Variants in ADGRB3 observed in about 807,000 individuals in gnomAD.
ADGRB3 encodes brain-specific angiogenesis inhibitor 3.
ADGRB3 carries 37 observed loss-of-function variants against 193.4 expected under a neutral mutation model. That is an observed-to-expected ratio of 0.19 (90% CI 0.15 to 0.25). The LOEUF (loss-of-function observed/expected upper bound fraction) is 0.25, where lower values mean the gene tolerates loss of function less well. Among genes scored for constraint, ADGRB3 ranks in the 10% least tolerant of loss-of-function variants. The pLI, the probability that ADGRB3 is intolerant of heterozygous loss-of-function variation, is 1.00. For missense variants in ADGRB3, 1,637 were observed against 1,852.9 expected (o/e 0.88, Z 2.14); for synonymous variants, 690 against 644.2 (o/e 1.07, Z -1.08).
intron 28 of ADGRB3, among the ~76,000 whole-genome samples, chr6:69,357,394 T>C (rs1043957346): frequency 2.6e-5 from 4 of 152,062 alleles, no homozygotes; most frequent in African/African-American, 9.7e-5. Flanking sequence ...CTATTTGCTA[T>C]TATTTTACCA....
intron 3 of ADGRB3, among the ~76,000 whole-genome samples, chr6:68,833,271 A>AT (rs1423214283): frequency 1.3e-5 from 2 of 151,980 alleles, no homozygotes; most frequent in Non-Finnish European, 1.5e-5. Context: ...TAGAACAAGC[A>AT]TTTTTTATTA....
At position 69,304,585 on chromosome 6, in the gene ADGRB3, A is replaced by C. The variant is rs1039305819; in HGVS notation, c.2815-20287A>C. ...TAAGTCATCCTTTTGCTTCTTTGAC[A>C]GTTATATTTTGTCAGTCTCTGTATG... On this transcript the variant is annotated intron_variant, in intron 20 of 31. Coordinates refer to ENST00000370598, the MANE Select transcript of ADGRB3 (RefSeq NM_001704.3). 4.6e-5 allele frequency among the ~76,000 whole-genome samples: 7 copies of C among 151,558 alleles called. No homozygotes were observed. The South Asian group carries it at 6.2e-4, about 13-fold the overall frequency.
chr6:68,929,907 T>C (rs1474514584), intron 3 of ADGRB3, among the ~76,000 whole-genome samples: 2 of 151,950 alleles, frequency 1.3e-5, no homozygotes, highest in East Asian at 3.9e-4. Flanking sequence ...AACAATAAAT[T>C]TTATAAATAT....
chr6:69,207,279 T>G (rs942767914), intron 17 of ADGRB3, among the ~76,000 whole-genome samples: 6 of 151,936 alleles, frequency 3.9e-5, no homozygotes, highest in Admixed American at 3.3e-4. Flanking sequence ...AGATGGTGAG[T>G]GGTGCCACTT....
chr6:68,841,667 A>G (rs1226869555), intron 3 of ADGRB3, among the ~76,000 whole-genome samples: 1 of 152,172 alleles, frequency 6.6e-6, no homozygotes, highest in East Asian at 1.9e-4. Flanking sequence ...GAAAAACTTC[A>G]AATAAACAAC....
At chr6:68,945,534 A>ATT (rs1453838819) in intron 6 of ADGRB3, among the ~76,000 whole-genome samples, 3 of 152,158 alleles carry the variant, frequency 2.0e-5, no homozygotes, top group Non-Finnish European at 4.4e-5. Context: ...GAGCTGTAAC[A>ATT]TTTACATAGA....
intron 17 of ADGRB3, among the ~76,000 whole-genome samples, chr6:69,178,123 A>G (rs985987448): frequency 3.3e-5 from 5 of 152,174 alleles, no homozygotes; most frequent in Admixed American, 3.3e-4. Context: ...CCAATGTGGT[A>G]TGCATATATA....
intron 3 of ADGRB3, among the ~76,000 whole-genome samples, chr6:68,889,515 T>A (rs890160691): frequency 6.6e-6 from 1 of 151,956 alleles, no homozygotes; most frequent in Non-Finnish European, 1.5e-5. Context: ...TTATTTTTTT[T>A]TTTTTGAGAC....
At position 69,361,158 on chromosome 6, in the gene ADGRB3, CA is replaced by C. The variant is rs1561999075; in HGVS notation, c.3886del (p.Ile1296Ter). Reference sequence around the variant, plus strand: ...ATAATTTGAGAGGGGCTGACATGGACATAGTCCATCCTCAAGAAAGAATGAT... The same window carrying C: ...ATAATTTGAGAGGGGCTGACATGGACTAGTCCATCCTCAAGAAAGAATGAT... ...DDNLRGADMDIVHPQERMMES... is the reference protein window; with the variant it reads ...DDNLRGADMDXVHPQERMMES... On this transcript the variant is annotated frameshift_variant, in exon 29 of 32. Transcript: ENST00000370598. LOFTEE classifies it high-confidence loss of function. The C allele has an allele frequency of 6.2e-7, 1 of 1,612,790 alleles. No individual in the cohort carries two copies. The highest frequency in any genetic ancestry group is 8.5e-7 in the Non-Finnish European group (1 of 1,179,300).
chr6:69,261,001 T>C (rs1368998285), intron 20 of ADGRB3, among the ~76,000 whole-genome samples: 1 of 152,170 alleles, frequency 6.6e-6, no homozygotes, highest in Non-Finnish European at 1.5e-5. Flanking sequence ...AAGAACAAAA[T>C]TATTTCTAAA....
chr6:69,357,996 T>G (rs572236666), intron 28 of ADGRB3, among the ~76,000 whole-genome samples: 1 of 152,112 alleles, frequency 6.6e-6, no homozygotes, highest in South Asian at 2.1e-4. Flanking sequence ...TTTGTCCGGG[T>G]TTAGAAGCTT....
At chr6:69,170,126 G>A (rs1052759945) in intron 17 of ADGRB3, among the ~76,000 whole-genome samples, 1 of 152,112 alleles carries the variant, frequency 6.6e-6, no homozygotes. Flanking sequence ...ATGCTAAAAT[G>A]TCATGAACAC....
chr6:69,182,432 G>A (rs536250688), intron 17 of ADGRB3, among the ~76,000 whole-genome samples: 1 of 151,080 alleles, frequency 6.6e-6, no homozygotes, highest in South Asian at 2.1e-4. Flanking sequence ...CAGAAGGCTA[G>A]TTAAGGTATC....
At chr6:69,178,491 C>T (rs1204950611) in intron 17 of ADGRB3, among the ~76,000 whole-genome samples, 3 of 152,116 alleles carry the variant, frequency 2.0e-5, no homozygotes, top group African/African-American at 7.2e-5. Context: ...GAGGTCTCAA[C>T]CTATCATGAA....
chr6:68,835,672 G>T (rs1488651922), intron 3 of ADGRB3, among the ~76,000 whole-genome samples: 1 of 151,820 alleles, frequency 6.6e-6, no homozygotes, highest in Non-Finnish European at 1.5e-5. Context: ...GATTAGAGAG[G>T]TCACAACATC....
chr6:69,117,962 T>G (rs570832209), intron 17 of ADGRB3, among the ~76,000 whole-genome samples: 24 of 152,314 alleles, frequency 1.6e-4, no homozygotes, highest in African/African-American at 5.3e-4. Flanking sequence ...TTTTCTCCCC[T>G]GTTTTTCTGC....
At chr6:69,385,747 GGC>G (rs1244881633) in intron 31 of ADGRB3, among the ~76,000 whole-genome samples, 1 of 151,926 alleles carries the variant, frequency 6.6e-6, no homozygotes, top group Non-Finnish European at 1.5e-5. Context: ...AACCTTTCCT[GGC>G]ACCTACAGCT....
At chr6:69,006,813 C>A (rs1462726267) in intron 11 of ADGRB3, among the ~76,000 whole-genome samples, 2 of 151,908 alleles carry the variant, frequency 1.3e-5, no homozygotes, top group Non-Finnish European at 2.9e-5. Flanking sequence ...ACCTGTCTTT[C>A]CTGCTTTCTT....
intron 20 of ADGRB3, among the ~76,000 whole-genome samples, chr6:69,316,236 T>C (rs887251437): frequency 9.2e-5 from 13 of 141,526 alleles, no homozygotes; most frequent in Non-Finnish European, 3.0e-5. Flanking sequence ...AAGCAGTAAA[T>C]AGTTATATTT....
Sources: allele counts gnomAD v4.1 joint callset (sites outside exome capture counted in the v4.1 genomes callset), GRCh38; gene constraint gnomAD v4.1.1; transcripts MANE v1.5; gene names NCBI Gene and HGNC (gene_info 2026-07-23, HGNC 2026-07-21).